The following SV2C variants were observed in gnomAD, a reference collection of about 807,000 sequenced individuals.
SV2C encodes the protein solute carrier family 22 member B3.
In SV2C, 49 loss-of-function variants were observed where a neutral mutation model predicts 79.7. That is an observed-to-expected ratio of 0.61 (90% confidence interval 0.49 to 0.78). The LOEUF (loss-of-function observed/expected upper bound fraction) is 0.78. Among genes scored for constraint, SV2C ranks in the 30% least tolerant of loss-of-function variants. SV2C has a pLI of 0.00. For missense variants in SV2C, 833 were observed against 912.9 expected (o/e 0.91, Z 1.13); for synonymous variants, 334 against 333.2 (o/e 1.00, Z -0.03).
chr5:76,291,253 T>C lies in SV2C; in HGVS notation c.1170T>C (p.Asp390=), dbSNP rs374506885. Residue 390 remains aspartate (D), a synonymous_variant, in exon 7 of 13, where the codon GAT becomes GAC. Coordinates refer to ENST00000502798, the MANE Select transcript of SV2C (RefSeq NM_014979.4). ...AAATAAAAACTCCTAAACAAATAGA[T>C]GAGCTGATTGAAATTGAGAGTGACA... ...VNKIKTPKQI[D]ELIEIESDTG... 1.3e-5 allele frequency: 21 copies of C among 1,610,180 alleles called. 1 individual carries two copies. Among genetic ancestry groups the C allele is most frequent in the Non-Finnish European group, 1.8e-5 (21 of 1,177,170 alleles).
At chr5:76,216,836 G>A (rs1007103905) in intron 4 of SV2C, among the ~76,000 whole-genome samples, 2 of 152,206 alleles carry the variant, frequency 1.3e-5, no homozygotes, top group African/African-American at 4.8e-5. Context: ...GGAACAGAGA[G>A]CTGAATCACA....
chr5:76,196,278 G>A (rs981586909), intron 3 of SV2C, among the ~76,000 whole-genome samples: 2 of 152,200 alleles, frequency 1.3e-5, no homozygotes, highest in Non-Finnish European at 2.9e-5. Context: ...TTTCCTTAGA[G>A]TGAAGACAGT....
chr5:75,921,362 G>C, the SV2C span: 6 of 960,402 alleles, frequency 6.2e-6, no homozygotes, highest in Non-Finnish European at 1.7e-6. Context: ...GCTGTCCTTT[G>C]GGGGGTGCTG....
intron 4 of SV2C, among the ~76,000 whole-genome samples, chr5:76,254,057 C>T (rs1371671206): frequency 6.6e-6 from 1 of 151,850 alleles, no homozygotes; most frequent in African/African-American, 2.4e-5. Context: ...AAGGCAGGAG[C>T]ATTGCTTGAG....
the SV2C span, among the ~76,000 whole-genome samples, chr5:76,068,987 TGCAAA>T: frequency 6.6e-6 from 1 of 152,072 alleles, no homozygotes; most frequent in East Asian, 1.9e-4. Context: ...AAAAATGAAG[TGCAAA>T]GAAAAGAAAA....
At chr5:76,235,724 G>C (rs1745589640) in intron 4 of SV2C, among the ~76,000 whole-genome samples, 1 of 151,964 alleles carries the variant, frequency 6.6e-6, no homozygotes, top group Non-Finnish European at 1.5e-5. Flanking sequence ...AAACATCTGT[G>C]GACTCATTTT....
the SV2C span, among the ~76,000 whole-genome samples, chr5:76,071,674 G>T: frequency 3.9e-5 from 6 of 152,230 alleles, no homozygotes; most frequent in South Asian, 1.2e-3. Flanking sequence ...AAATAGAAGT[G>T]AACCTAACTT....
chr5:76,084,422 T>A (rs554876439), intron 1 of SV2C, among the ~76,000 whole-genome samples: 1 of 151,704 alleles, frequency 6.6e-6, no homozygotes, highest in Admixed American at 6.5e-5. Flanking sequence ...GGGAAGACTT[T>A]TCTCCAGAGC....
At chr5:76,294,333 C>T (rs1279067752) in intron 8 of SV2C, among the ~76,000 whole-genome samples, 7 of 129,338 alleles carry the variant, frequency 5.4e-5, no homozygotes, top group Non-Finnish European at 7.9e-5. Flanking sequence ...GATGGAGTCT[C>T]GCTCTTTTGC....
the SV2C span, among the ~76,000 whole-genome samples, chr5:76,012,449 T>A: frequency 6.6e-6 from 1 of 152,106 alleles, no homozygotes; most frequent in Non-Finnish European, 1.5e-5. Context: ...CACTTTTCGA[T>A]GGGGTTGTTT....
chr5:75,970,462 A>G, the SV2C span, among the ~76,000 whole-genome samples: 1 of 152,092 alleles, frequency 6.6e-6, no homozygotes, highest in Non-Finnish European at 1.5e-5. Flanking sequence ...GAAGAATCAA[A>G]TAGACGCAAT....
At chr5:76,121,924 G>C (rs1748514065) in intron 1 of SV2C, among the ~76,000 whole-genome samples, 1 of 152,138 alleles carries the variant, frequency 6.6e-6, no homozygotes, top group Non-Finnish European at 1.5e-5. Context: ...TTGGTAGCTT[G>C]ATGGGGATGG....
chr5:76,042,534 G>T, the SV2C span, among the ~76,000 whole-genome samples: 1 of 152,154 alleles, frequency 6.6e-6, no homozygotes, highest in Non-Finnish European at 1.5e-5. Context: ...CTAAGTCTAG[G>T]TCTTCAGTTT....
chr5:76,046,342 G>A, the SV2C span, among the ~76,000 whole-genome samples: 107 of 152,230 alleles, frequency 7.0e-4, 2 homozygotes, highest in African/African-American at 2.6e-3. Context: ...AAGTTCAATG[G>A]AAGCAAATAA....
At chr5:76,224,321 G>A (rs570265880) in intron 4 of SV2C, among the ~76,000 whole-genome samples, 1 of 152,124 alleles carries the variant, frequency 6.6e-6, no homozygotes, top group Middle Eastern at 3.4e-3. Flanking sequence ...TCATTTTCCT[G>A]CACATTTTTA....
At chr5:75,982,675 G>A in the SV2C span, among the ~76,000 whole-genome samples, 1 of 152,150 alleles carries the variant, frequency 6.6e-6, no homozygotes, top group African/African-American at 2.4e-5. Flanking sequence ...TATGTTTATT[G>A]TAGCACTATT....
chr5:76,344,437 G>A (rs368570069), intron 12 of SV2C, among the ~76,000 whole-genome samples: 18 of 152,206 alleles, frequency 1.2e-4, no homozygotes, highest in African/African-American at 1.4e-4. Context: ...GGCCGGGTGC[G>A]GTGGCTCACG....
At chr5:76,037,735 A>G in the SV2C span, among the ~76,000 whole-genome samples, 2,407 of 152,350 alleles carry the variant, frequency 0.016, 31 homozygotes, top group Non-Finnish European at 0.025. Context: ...TGGAGCCTAC[A>G]GAGGCAGGCA....
At chr5:75,974,309 C>T in the SV2C span, among the ~76,000 whole-genome samples, 1 of 151,972 alleles carries the variant, frequency 6.6e-6, no homozygotes, top group Non-Finnish European at 1.5e-5. Context: ...GAATTATGAC[C>T]TTAAATACAG....
Sources: allele counts gnomAD v4.1 joint callset (sites outside exome capture counted in the v4.1 genomes callset), GRCh38; gene constraint gnomAD v4.1.1; transcripts MANE v1.5; gene names NCBI Gene and HGNC (gene_info 2026-07-23, HGNC 2026-07-21).